TMPRSS15: variants seen among roughly 807,000 people sequenced by gnomAD.
The protein encoded by TMPRSS15 is transmembrane serine protease 15.
TMPRSS15 carries 128 observed loss-of-function variants against 125.3 expected under a neutral mutation model. That is an observed-to-expected ratio of 1.02 (90% CI 0.89 to 1.18). The LOEUF (loss-of-function observed/expected upper bound fraction) is 1.18, where lower values mean the gene tolerates loss of function less well. Ranked by LOEUF, TMPRSS15 falls within the 50% of genes most tolerant of loss-of-function variation. The pLI is 0.00. For synonymous variants in TMPRSS15, 446 were observed against 423.2 expected, an observed-to-expected ratio of 1.05 and a Z score of -0.66; for missense variants, 1,283 against 1,212.7, an observed-to-expected ratio of 1.06 and a Z score of -0.86.
intron 3 of TMPRSS15, among the ~76,000 whole-genome samples, chr21:18,397,185 T>C (rs182042624): frequency 1.4e-4 from 22 of 152,264 alleles, no homozygotes; most frequent in Admixed American, 1.2e-3. Flanking sequence ...AGCCCTTTGG[T>C]AGTTTGTAGT....
chr21:18,480,559 A>G (rs1483244137), intron 1 of TMPRSS15, among the ~76,000 whole-genome samples: 1 of 151,880 alleles, frequency 6.6e-6, no homozygotes, highest in African/African-American at 2.4e-5. Context: ...AGATGAAATG[A>G]CTGGACATTC....
At chr21:18,451,558 G>A (rs143066509) in intron 1 of TMPRSS15, among the ~76,000 whole-genome samples, 2 of 152,260 alleles carry the variant, frequency 1.3e-5, no homozygotes, top group African/African-American at 4.8e-5. Context: ...AAGCTGCTTT[G>A]GGGACAGCAT....
At position 18,296,680 on chromosome 21, in the gene TMPRSS15, A is replaced by G. The variant is rs117315510; in HGVS notation, c.2261+1054T>C. Among the ~76,000 whole-genome samples, 476 of 152,328 alleles carry G rather than the reference A, an allele frequency of 3.1e-3. 4 individuals are homozygous for G. Among genetic ancestry groups the G allele is most frequent in the Non-Finnish European group, 5.3e-3 (362 of 68,024 alleles). Reference sequence around the variant, plus strand: ...AAGACGTGAAAAGAAGAAATTCTCAATGTTCAAACTGCTTCAGGATCTATA... The same window carrying G: ...AAGACGTGAAAAGAAGAAATTCTCAGTGTTCAAACTGCTTCAGGATCTATA... On this transcript the variant is annotated intron_variant, in intron 19 of 24. Transcript: ENST00000284885.
intron 12 of TMPRSS15, among the ~76,000 whole-genome samples, chr21:18,342,048 C>T (rs912772235): frequency 6.6e-6 from 1 of 152,038 alleles, no homozygotes; most frequent in Non-Finnish European, 1.5e-5. Flanking sequence ...CATTCAGGGC[C>T]AGCTGTTACT....
intron 8 of TMPRSS15, among the ~76,000 whole-genome samples, chr21:18,357,877 T>A (rs1271887883): frequency 1.3e-5 from 2 of 151,672 alleles, no homozygotes; most frequent in Non-Finnish European, 3.0e-5. Context: ...TTAGAAAAAA[T>A]TAGAATTTTT....
chr21:18,454,838 C>T (rs1474281680), intron 1 of TMPRSS15, among the ~76,000 whole-genome samples: 1 of 152,168 alleles, frequency 6.6e-6, no homozygotes, highest in Non-Finnish European at 1.5e-5. Flanking sequence ...AACATCCTCA[C>T]AGACACATCC....
At chr21:18,338,587 G>T (rs955866084) in intron 13 of TMPRSS15, among the ~76,000 whole-genome samples, 2 of 151,774 alleles carry the variant, frequency 1.3e-5, no homozygotes, top group Admixed American at 6.6e-5. Context: ...CATTTATGTG[G>T]GTATTTTTTC....
chr21:18,280,987 T>G, intron 22 of TMPRSS15, 53 bp downstream of exon 22: 2 of 1,561,108 alleles, frequency 1.3e-6, no homozygotes, highest in Non-Finnish European at 1.8e-6. Context: ...TGAAATCTAG[T>G]TTTGAATTAA....
intron 13 of TMPRSS15, among the ~76,000 whole-genome samples, chr21:18,338,474 CA>C (rs1174593466): frequency 2.6e-4 from 40 of 151,960 alleles, no homozygotes; most frequent in Non-Finnish European, 8.8e-5. Flanking sequence ...GTTGTTCTTG[CA>C]AAAAAACTCT....
At chr21:18,371,823 C>T (rs941197642) in intron 6 of TMPRSS15, among the ~76,000 whole-genome samples, 6 of 151,904 alleles carry the variant, frequency 3.9e-5, no homozygotes, top group Non-Finnish European at 8.8e-5. Flanking sequence ...ATGTCTATCA[C>T]AGAAGTCAAA....
intron 18 of TMPRSS15, among the ~76,000 whole-genome samples, chr21:18,305,410 C>G (rs890086863): frequency 4.6e-5 from 7 of 151,964 alleles, no homozygotes; most frequent in Admixed American, 6.6e-5. Flanking sequence ...GGATGGTCTC[C>G]ATCTCCTGAC....
Position 18,269,333 on chromosome 21 carries a change from C to CTA in TMPRSS15, c.*634_*635dup, listed in dbSNP as rs1158824998. On this transcript the variant is annotated 3_prime_UTR_variant, in exon 25 of 25. Coordinates refer to ENST00000284885, the MANE Select transcript of TMPRSS15 (RefSeq NM_002772.3). ...GTAAAATTTATCTAATATACAATGACTATATCAGTTAATTTATCTTTTATT... is the reference window on the plus strand; with the variant it reads ...GTAAAATTTATCTAATATACAATGACTATATATCAGTTAATTTATCTTTTATT... 6.6e-6 allele frequency: 1 copy of CTA among 152,132 alleles called. No individual in the cohort carries two copies. Among genetic ancestry groups the CTA allele is most frequent in the Non-Finnish European group, 1.5e-5 (1 of 68,098 alleles). 9.4% of individuals were successfully genotyped at this position (152,132 alleles called of 1,614,324 possible).
intron 13 of TMPRSS15, among the ~76,000 whole-genome samples, chr21:18,340,829 T>C (rs966537007): frequency 2.6e-5 from 4 of 152,158 alleles, no homozygotes; most frequent in African/African-American, 9.7e-5. Flanking sequence ...GAAAACAAAA[T>C]GGAAACCAGC....
chr21:18,407,448 C>CTTTTTTTTTTTTTTTTTTTT (rs201740388), upstream of TMPRSS15, among the ~76,000 whole-genome samples: 7 of 133,204 alleles, frequency 5.3e-5, no homozygotes, highest in Admixed American at 7.4e-5. Flanking sequence ...TTTTTCTTTT[C>CTTTTTTTTTTTTTTTTTTTT]TTTTTTTTTT....
chr21:18,353,150 A>G, intron 9 of TMPRSS15, 98 bp from the exon 10 acceptor site: 1 of 1,028,428 alleles, frequency 9.7e-7, no homozygotes, highest in South Asian at 1.4e-5. Flanking sequence ...TATACAGCTT[A>G]TACTTCAGTG....
chr21:18,321,921 A>G (rs1469454517), intron 16 of TMPRSS15, among the ~76,000 whole-genome samples: 1 of 152,142 alleles, frequency 6.6e-6, no homozygotes, highest in African/African-American at 2.4e-5. Flanking sequence ...CTCCCCATGT[A>G]TTTATCATGC....
Position 18,403,734 on chromosome 21 carries a change from C to A in TMPRSS15, c.-112G>T. The A allele has an allele frequency of 1.5e-6, 2 of 1,333,892 alleles. No homozygotes were observed. The highest frequency in any genetic ancestry group is 2.1e-6 in the Non-Finnish European group (2 of 948,784). The allele number at this position is 1,333,892 out of a possible 1,614,324, so 82.6% of individuals were successfully genotyped here. On this transcript the variant is annotated 5_prime_UTR_variant, in exon 1 of 25. The change creates a new upstream start codon in the 5' untranslated region. Coordinates refer to ENST00000284885, the MANE Select transcript of TMPRSS15 (RefSeq NM_002772.3). ...TAAAGATGTGTAAAGCAACAACCAC[C>A]TGTCTACATGCATACCAGTCAGTGT...
rs376129645 is a variant in TMPRSS15, at chr21:18,315,257, C to T, written c.1922-1G>A. 1.2e-5 allele frequency: 19 copies of T among 1,608,296 alleles called. No individual in the cohort carries two copies. Among genetic ancestry groups the T allele is most frequent in the Non-Finnish European group, 1.6e-5 (19 of 1,175,654 alleles). On this transcript the variant is annotated splice_acceptor_variant, in intron 16 of 24. Transcript: ENST00000284885. LOFTEE classifies it high-confidence loss of function. ...TGAAAATGGTCTGCCTTGCATGGCT[C>T]TATGGGGAAAGAATGTTTATTGTAT...
chr21:18,360,937 C>G (rs1054620956), intron 7 of TMPRSS15, among the ~76,000 whole-genome samples: 1 of 152,024 alleles, frequency 6.6e-6, no homozygotes, highest in Non-Finnish European at 1.5e-5. Context: ...AAGATGACAG[C>G]TATCATATTC....
Sources: gnomAD v4.1 joint callset for allele counts (sites outside exome capture counted in the v4.1 genomes callset) on GRCh38, gnomAD v4.1.1 for gene constraint, MANE v1.5 for transcripts, NCBI Gene and HGNC (gene_info 2026-07-23, HGNC 2026-07-21) for gene names.